The following HECW1 variants were observed in gnomAD, a reference collection of about 807,000 sequenced individuals.
HECW1 encodes HECT, C2 and WW domain containing E3 ubiquitin protein ligase 1.
Under a neutral mutation model 182.3 loss-of-function variants are expected in HECW1, and 61 were observed. That is an observed-to-expected ratio of 0.33 (90% CI 0.27 to 0.41). The LOEUF is 0.41. HECW1 is among the 10% of genes least tolerant of loss of function. The probability of loss-of-function intolerance (pLI) is 1.00; values close to 1 mark genes in which losing one functional copy is unlikely to be tolerated. For synonymous variants in HECW1, 859 were observed against 832.6 expected (o/e 1.03, Z -0.55); for missense variants, 1,739 against 2,108.9 (o/e 0.82, Z 3.44).
chr7:43,136,186 C>T (rs1057408569), intron 2 of HECW1, among the ~76,000 whole-genome samples: 1 of 152,046 alleles, frequency 6.6e-6, no homozygotes, highest in Non-Finnish European at 1.5e-5. Context: ...GAATCAGAGG[C>T]GCCTGATACT....
intron 2 of HECW1, among the ~76,000 whole-genome samples, chr7:43,137,556 ATTTATTTATTTG>A (rs1787691662): frequency 6.7e-6 from 1 of 150,318 alleles, no homozygotes; most frequent in African/African-American, 2.5e-5. Flanking sequence ...TTATTTATTT[ATTTATTTATTTG>A]AGACAGGGTC....
At chr7:43,251,058 A>C (rs905451197) in intron 3 of HECW1, among the ~76,000 whole-genome samples, 1 of 151,784 alleles carries the variant, frequency 6.6e-6, no homozygotes, top group Non-Finnish European at 1.5e-5. Flanking sequence ...CAGGGACCCC[A>C]CCCCCCTTAC....
intron 2 of HECW1, among the ~76,000 whole-genome samples, chr7:43,201,900 T>C (rs1282206768): frequency 6.6e-6 from 1 of 152,186 alleles, no homozygotes; most frequent in African/African-American, 2.4e-5. Context: ...AAAATAATGG[T>C]TCATGTGAGA....
intron 6 of HECW1, among the ~76,000 whole-genome samples, chr7:43,379,783 C>T (rs1353702563): frequency 1.3e-5 from 2 of 152,156 alleles, no homozygotes; most frequent in African/African-American, 4.8e-5. Context: ...GGCCTTACAT[C>T]ACCACCCTAT....
At chr7:43,164,733 G>C (rs1185792617) in intron 2 of HECW1, among the ~76,000 whole-genome samples, 1 of 152,242 alleles carries the variant, frequency 6.6e-6, no homozygotes, top group Admixed American at 6.5e-5. Context: ...CGAGGACAGA[G>C]AGCGCCACAT....
At chr7:43,295,620 A>G (rs1805948337) in intron 3 of HECW1, among the ~76,000 whole-genome samples, 1 of 152,112 alleles carries the variant, frequency 6.6e-6, no homozygotes, top group Non-Finnish European at 1.5e-5. Context: ...AAGAGGCCCA[A>G]GGGGGAGGGG....
intron 15 of HECW1, among the ~76,000 whole-genome samples, chr7:43,467,364 G>A (rs1262337743): frequency 6.6e-6 from 1 of 152,164 alleles, no homozygotes; most frequent in Non-Finnish European, 1.5e-5. Flanking sequence ...AGGGACATCT[G>A]TAGAAAGGAT....
chr7:43,434,765 G>C (rs560639885), intron 8 of HECW1, among the ~76,000 whole-genome samples: 1 of 152,278 alleles, frequency 6.6e-6, no homozygotes, highest in Admixed American at 6.5e-5. Context: ...GAAAGTTCTT[G>C]TGGAGGGAGG....
At chr7:43,281,152 G>A (rs1360211526) in intron 3 of HECW1, among the ~76,000 whole-genome samples, 2 of 152,230 alleles carry the variant, frequency 1.3e-5, no homozygotes, top group African/African-American at 2.4e-5. Flanking sequence ...CAAGCAAGTG[G>A]CAAAGAGCAC....
intron 8 of HECW1, among the ~76,000 whole-genome samples, chr7:43,417,209 C>G (rs1352318458): frequency 2.6e-5 from 4 of 152,148 alleles, no homozygotes; most frequent in Non-Finnish European, 4.4e-5. Context: ...CACCACCACG[C>G]CCAGCTAATT....
chr7:43,319,364 G>T (rs575572690), intron 4 of HECW1, among the ~76,000 whole-genome samples: 1 of 132,438 alleles, frequency 7.6e-6, no homozygotes, highest in Non-Finnish European at 1.6e-5. Flanking sequence ...TCCGCAGTCC[G>T]GCCTGGGCGA....
At chr7:43,325,953 C>T (rs1384148173) in intron 5 of HECW1, among the ~76,000 whole-genome samples, 1 of 152,260 alleles carries the variant, frequency 6.6e-6, no homozygotes, top group African/African-American at 2.4e-5. Context: ...TGTCTCAGTC[C>T]GTTGAGGCTG....
Position 43,243,051 on chromosome 7 carries a change from G to A in HECW1, c.-31-824G>A, listed in dbSNP as rs927192742. Among the ~76,000 whole-genome samples, 1 of 152,092 alleles carries A rather than the reference G, an allele frequency of 6.6e-6. No individual in the cohort carries two copies. The highest frequency in any genetic ancestry group is 2.4e-5 in the African/African-American group (1 of 41,412). ...TGTCAGCAAAGCTTCAGGTTTCATC[G>A]GGGTTTGGGAATGCTGACATCATAG... On this transcript the variant is annotated intron_variant, in intron 2 of 29. Coordinates refer to ENST00000395891, the MANE Select transcript of HECW1 (RefSeq NM_015052.5). The surrounding 1 kb of genome is among the most constrained non-coding windows in gnomAD (Gnocchi z 4.0).
At chr7:43,430,654 T>C (rs2152865085) in intron 8 of HECW1, among the ~76,000 whole-genome samples, 1 of 152,266 alleles carries the variant, frequency 6.6e-6, no homozygotes, top group Non-Finnish European at 1.5e-5. Flanking sequence ...ATGGTAAAGC[T>C]TACATTTTAT....
rs1006578199 is a variant in HECW1 at position 43,507,191 on chromosome 7, C to T, written c.3686C>T (p.Ala1229Val). Residue 1229 changes from alanine (A) to valine (V), a missense_variant, in exon 22 of 30, where the codon GCC (alanine) becomes GTC (valine). Physicochemically the swap from Ala to Val is moderately conservative, Grantham distance 64. Transcript: ENST00000395891. ...TCCCCCTACCGAAGAGACTTTGAGG[C>T]CAAGCTCCGCAATTTCTACAGAAAA... ...APSPYRRDFE[A>V]KLRNFYRKLE... 2.5e-6 allele frequency: 4 copies of T among 1,614,030 alleles called. No homozygotes were observed. Among genetic ancestry groups the T allele is most frequent in the Non-Finnish European group, 3.4e-6 (4 of 1,179,880 alleles).
intron 17 of HECW1, among the ~76,000 whole-genome samples, chr7:43,491,166 G>A (rs938772949): frequency 3.3e-5 from 5 of 152,374 alleles, no homozygotes; most frequent in African/African-American, 7.2e-5. Flanking sequence ...GATATTGGAA[G>A]CAGGCAGGCA....
intron 24 of HECW1, among the ~76,000 whole-genome samples, chr7:43,529,536 C>T (rs945404478): frequency 1.3e-5 from 2 of 152,182 alleles, no homozygotes; most frequent in African/African-American, 4.8e-5. Flanking sequence ...GGGCATCTTC[C>T]ATTTGACTGT....
chr7:43,229,525 A>G (rs1797704379), intron 2 of HECW1, among the ~76,000 whole-genome samples: 1 of 152,134 alleles, frequency 6.6e-6, no homozygotes, highest in Non-Finnish European at 1.5e-5. Flanking sequence ...ACTGTTGGGT[A>G]CTAGGTTTAG....
At chr7:43,301,351 G>T (rs1806756594) in intron 3 of HECW1, among the ~76,000 whole-genome samples, 1 of 152,166 alleles carries the variant, frequency 6.6e-6, no homozygotes, top group Non-Finnish European at 1.5e-5. Context: ...CCTCCCATCT[G>T]GGAAGGTGGT....
Sources: allele counts gnomAD v4.1 joint callset (sites outside exome capture counted in the v4.1 genomes callset), GRCh38; gene constraint gnomAD v4.1.1; non-coding constraint Gnocchi (gnomAD v3.1); transcripts MANE v1.5; gene names NCBI Gene and HGNC (gene_info 2026-07-23, HGNC 2026-07-21).